Variants in CSTF2 observed in about 807,000 individuals in gnomAD.
CSTF2 encodes CF-1 64 kDa subunit.
CSTF2 carries 8 observed loss-of-function variants against 45.4 expected under a neutral mutation model. The observed-to-expected ratio is 0.18, with a 90% CI of 0.10 to 0.32. The LOEUF (loss-of-function observed/expected upper bound fraction) is 0.32, where lower values mean the gene tolerates loss of function less well. Ranked by LOEUF, CSTF2 falls within the 10% of genes least tolerant of loss-of-function variation. The probability of loss-of-function intolerance (pLI) is 1.00; values close to 1 mark genes in which losing one functional copy is unlikely to be tolerated. For missense variants in CSTF2, 253 were observed against 477.1 expected (o/e 0.53, Z 4.38); for synonymous variants, 155 against 158.9 (o/e 0.98, Z 0.18).
intron 6 of CSTF2, among the ~76,000 whole-genome samples, chrX:100,825,912 T>A (rs2084941364): frequency 8.9e-6 from 1 of 112,227 alleles, no homozygotes; most frequent in South Asian, 3.7e-4. Flanking sequence ...TCACAGCCAG[T>A]TTTCTCTTAA....
At chrX:100,821,754 A>G (rs1384683740) in intron 2 of CSTF2, 149 bp downstream of exon 2, 1 of 436,968 alleles carries the variant, frequency 2.3e-6, no homozygotes, top group Admixed American at 4.1e-5. Context: ...TTGATACACT[A>G]TACAATTGAC....
chrX:100,840,011 T>C (rs1309055773), intron 13 of CSTF2, among the ~76,000 whole-genome samples: 2 of 111,523 alleles, frequency 1.8e-5, no homozygotes, highest in Admixed American at 9.6e-5. Flanking sequence ...GTACAAGGAG[T>C]CTCATGTACC....
chrX:100,825,124 T>C (rs1308688443), intron 6 of CSTF2, among the ~76,000 whole-genome samples: 1 of 112,106 alleles, frequency 8.9e-6, no homozygotes, highest in African/African-American at 3.2e-5. Context: ...AATAATATAT[T>C]GAGTATGTAA....
rs765100324 is a variant in CSTF2 at position 100,837,434 on chromosome X, A to G, written c.1596A>G (p.Pro532=). Reference sequence around the variant, plus strand: ...GTCCCGGGCAGAACCAAGTCACTCCACAGGATCATGAGAAGGTAAGCAACA... The same window carrying G: ...GTCCCGGGCAGAACCAAGTCACTCCGCAGGATCATGAGAAGGTAAGCAACA... ...GFSPGQNQVT[P]QDHEKAALIM... The change falls in exon 12 of 14, where the codon CCA becomes CCG. Residue 532 remains proline (P), a synonymous_variant. Coordinates refer to ENST00000372972, the MANE Select transcript of CSTF2 (RefSeq NM_001325.3). The G allele has an allele frequency of 2.3e-5, 27 of 1,197,651 alleles. No homozygotes were observed. The highest frequency in any genetic ancestry group is 2.8e-5 in the Non-Finnish European group (25 of 884,592).
intron 13 of CSTF2, among the ~76,000 whole-genome samples, chrX:100,839,576 A>C (rs2085028825): frequency 9.0e-6 from 1 of 111,679 alleles, no homozygotes; most frequent in African/African-American, 3.3e-5. Flanking sequence ...GATGTCTTTA[A>C]ACATTTAAAC....
At chrX:100,823,601 T>C (rs2084929870) in intron 4 of CSTF2, among the ~76,000 whole-genome samples, 173 bp downstream of exon 4, 1 of 112,850 alleles carries the variant, frequency 8.9e-6, no homozygotes, top group South Asian at 3.6e-4. Context: ...GAGCTTTCTA[T>C]TTTTGTACAC....
intron 6 of CSTF2, 81 bp downstream of exon 6, chrX:100,824,338 A>T: frequency 1.0e-6 from 1 of 992,494 alleles, no homozygotes; most frequent in African/African-American, 1.9e-5. Flanking sequence ...TGAAAGAAGA[A>T]TGGTCAGGAA....
chrX:100,821,460 T>C (rs1333792903), intron 1 of CSTF2, 67 bp from the exon 2 acceptor site: 11 of 782,670 alleles, frequency 1.4e-5, no homozygotes, highest in Non-Finnish European at 2.0e-5. Context: ...ATGATATAAG[T>C]TTACTTTCTC....
At chrX:100,837,282 C>G in intron 11 of CSTF2, 57 bp from the exon 12 acceptor site, 1 of 809,039 alleles carries the variant, frequency 1.2e-6, no homozygotes, top group East Asian at 3.3e-5. Flanking sequence ...TTACTGAATT[C>G]AGGTTACCTA....
chrX:100,839,418 C>T (rs776594946), intron 13 of CSTF2, among the ~76,000 whole-genome samples: 1 of 111,149 alleles, frequency 9.0e-6, no homozygotes, highest in East Asian at 2.8e-4. Context: ...CATGTTGCCC[C>T]ACTATCAGGT....
Position 100,832,895 on chromosome X carries a change from C to T in CSTF2, c.1193C>T (p.Pro398Leu). Residue 398 changes from proline to leucine, a missense_variant, in exon 10 of 14, where the codon CCC (proline) becomes CTC (leucine). Transcript: ENST00000372972. ...RGPMLDQRGP[P>L]LDGRGGRDPR... ...CCCATGCTAGATCAGAGGGGTCCAC[C>T]CTTGGATGGCAGAGGTAAGGGGAGA... is the stretch of plus-strand genomic sequence containing the variant. 8.3e-7 allele frequency: 1 copy of T among 1,201,485 alleles called. No individual in the cohort carries two copies. Among genetic ancestry groups the T allele is most frequent in the South Asian group, 1.8e-5 (1 of 55,094 alleles).
intron 6 of CSTF2, among the ~76,000 whole-genome samples, chrX:100,824,660 C>G (rs2084935460): frequency 9.0e-6 from 1 of 111,539 alleles, no homozygotes; most frequent in Non-Finnish European, 1.9e-5. Context: ...ACCTTAAAGC[C>G]ATAAAAAATT....
chrX:100,829,853 A>G (rs778562754), intron 8 of CSTF2, among the ~76,000 whole-genome samples: 8 of 112,487 alleles, frequency 7.1e-5, no homozygotes, highest in Non-Finnish European at 1.5e-4. Context: ...TGTTTAACGC[A>G]TACTTGCACA....
chrX:100,838,503 G>C, intron 13 of CSTF2, 139 bp downstream of exon 13: 1 of 463,944 alleles, frequency 2.2e-6, no homozygotes, highest in Non-Finnish European at 3.3e-6. Flanking sequence ...CCTTCAGTAG[G>C]TCAGCTCCTG....
At chrX:100,828,239 C>T in intron 8 of CSTF2, 137 bp downstream of exon 8, 1 of 463,344 alleles carries the variant, frequency 2.2e-6, no homozygotes, top group South Asian at 4.5e-5. Context: ...AAATTTAAAA[C>T]TCAGTTCCTC....
At chrX:100,834,165 C>T (rs760684474) in intron 11 of CSTF2, among the ~76,000 whole-genome samples, 2 of 111,370 alleles carry the variant, frequency 1.8e-5, no homozygotes, top group African/African-American at 3.3e-5. Context: ...GTGTTTCTTC[C>T]GTGAGTTTTT....
Position 100,822,320 on chromosome X carries a change from A to G in CSTF2, c.207A>G (p.Thr69=), listed in dbSNP as rs778016639. 37 of 1,208,361 alleles carry G rather than the reference A, an allele frequency of 3.1e-5. No homozygotes were observed. Among genetic ancestry groups the G allele is most frequent in the Non-Finnish European group, 2.8e-5 (25 of 894,136 alleles). ...TCTGTGAATACCAAGACCAAGAGAC[A>G]GCACTTAGTGCCATGCGGAACCTGA... is the stretch of plus-strand genomic sequence containing the variant. The part of the protein sequence containing the change: ...YGFCEYQDQE[T]ALSAMRNLNG... Residue 69 remains threonine (T), a synonymous_variant, in exon 3 of 14, where the codon ACA becomes ACG. Coordinates refer to ENST00000372972, the MANE Select transcript of CSTF2 (RefSeq NM_001325.3).
chrX:100,821,392 G>C (rs2084916993), intron 1 of CSTF2, 135 bp from the exon 2 acceptor site: 1 of 471,651 alleles, frequency 2.1e-6, no homozygotes, highest in African/African-American at 2.4e-5. Context: ...TTGTTAAGAG[G>C]TCTGAAGAAA....
At chrX:100,837,126 TGTTGTAAGCAA>T (rs2085013299) in intron 11 of CSTF2, among the ~76,000 whole-genome samples, 1 of 111,934 alleles carries the variant, frequency 8.9e-6, no homozygotes, top group Admixed American at 9.5e-5. Context: ...ATGCTGGAGG[TGTTGTAAGCAA>T]GTATGTCGAA....
Sources: gnomAD v4.1 joint callset for allele counts (sites outside exome capture counted in the v4.1 genomes callset) on GRCh38, gnomAD v4.1.1 for gene constraint, MANE v1.5 for transcripts, NCBI Gene and HGNC (gene_info 2026-07-23, HGNC 2026-07-21) for gene names.